TSKS: variants seen among roughly 807,000 people sequenced by gnomAD.
TSKS encodes the protein testis specific serine kinase substrate.
Under a neutral mutation model 68.0 loss-of-function variants are expected in TSKS, and 27 were observed. The observed-to-expected ratio is 0.40, with a 90% CI of 0.29 to 0.55. The LOEUF (loss-of-function observed/expected upper bound fraction) is 0.55, where lower values mean the gene tolerates loss of function less well. Ranked by LOEUF, TSKS falls within the 20% of genes least tolerant of loss-of-function variation. The pLI, the probability that TSKS is intolerant of heterozygous loss-of-function variation, is 0.53. For synonymous variants in TSKS, 331 were observed against 340.4 expected (o/e 0.97, Z 0.30); for missense variants, 806 against 776.0 (o/e 1.04, Z -0.46).
In TSKS at chr19:49,739,928, T is replaced by C; in HGVS notation, c.1627A>G (p.Lys543Glu). The C allele has an allele frequency of 1.2e-6, 2 of 1,610,668 alleles. No individual in the cohort carries two copies. The highest frequency in any genetic ancestry group is 1.7e-6 in the Non-Finnish European group (2 of 1,177,600). The change falls in exon 11 of 11, where the codon AAG (lysine) becomes GAG (glutamate). Residue 543 changes from lysine (K) to glutamate (E), a missense_variant. By Grantham distance (56) the Lys-to-Glu change is moderately conservative. Transcript: ENST00000246801. ...LLTDKMKPEE[K>E]MATLDHLHLK... Reference sequence around the variant, plus strand: ...TGTAGATGGTCCAGAGTGGCCATCTTCTCCCTGTCATGAGGCAGCGGGGAG... The same window carrying C: ...TGTAGATGGTCCAGAGTGGCCATCTCCTCCCTGTCATGAGGCAGCGGGGAG...
At chr19:49,745,970 C>T (rs1259510095) in intron 6 of TSKS, among the ~76,000 whole-genome samples, 2 of 151,952 alleles carry the variant, frequency 1.3e-5, no homozygotes, top group African/African-American at 4.8e-5. Flanking sequence ...GATCACGAGG[C>T]CAGGAGATCG....
chr19:49,760,814 C>T (rs1053873785), intron 2 of TSKS, among the ~76,000 whole-genome samples: 7 of 150,546 alleles, frequency 4.6e-5, no homozygotes, highest in African/African-American at 1.2e-4. Flanking sequence ...AAAAGCTGGG[C>T]GTGGTGGCTC....
intron 2 of TSKS, among the ~76,000 whole-genome samples, chr19:49,749,450 C>T (rs1289359890): frequency 6.6e-6 from 1 of 152,148 alleles, no homozygotes; most frequent in Non-Finnish European, 1.5e-5. Context: ...AGGAGGGATG[C>T]ATGTGGTAGG....
rs1258688422 is a variant in TSKS at position 49,741,782 on chromosome 19, C to T, written c.1497+103G>A. 3 of 1,524,352 alleles carry T rather than the reference C, an allele frequency of 2.0e-6. No homozygotes were observed. In the Admixed American group the frequency reaches 5.1e-5, roughly 26 times the overall value. 94.4% of individuals were successfully genotyped at this position (1,524,352 alleles called of 1,614,324 possible). On this transcript the variant is annotated intron_variant, in intron 9 of 10. Transcript: ENST00000246801. ...GCCTGCTGCTCCCAGCTCAGCCCTT[C>T]CCCTTCTGCCACACACCAGCAGTAC...
intron 9 of TSKS, among the ~76,000 whole-genome samples, chr19:49,740,885 C>CAA (rs534874558): frequency 8.1e-6 from 1 of 123,944 alleles, no homozygotes; most frequent in Non-Finnish European, 1.7e-5. Context: ...ACTCTGTCTC[C>CAA]AAAAAAAAAA....
In TSKS at chr19:49,763,159, T is replaced by C; in HGVS notation, c.89A>G (p.Gln30Arg). 6.2e-7 allele frequency: 1 copy of C among 1,608,808 alleles called. No homozygotes were observed. The highest frequency in any genetic ancestry group is 8.5e-7 in the Non-Finnish European group (1 of 1,177,420). The change falls in exon 1 of 11, where the codon CAG (glutamine) becomes CGG (arginine). Residue 30 changes from glutamine (Q) to arginine (R), a missense_variant. Gln to Arg is a conservative substitution (Grantham distance 43, BLOSUM62 1). Coordinates refer to ENST00000246801, the MANE Select transcript of TSKS (RefSeq NM_021733.2). This position sits in a 1 kb window ranked among gnomAD's most constrained non-coding sequence, Gnocchi z 4.5. The stretch of plus-strand genomic sequence containing the variant: ...CCTCCGGGGAGCCTCTGGGACTAGC[T>C]GGGAGCAGCTCTCCACCCCCGTGGG... ...DTPTGVESCS[Q>R]LVPEAPRRVT...
intron 2 of TSKS, among the ~76,000 whole-genome samples, chr19:49,752,213 G>A (rs918137258): frequency 4.6e-5 from 7 of 151,974 alleles, no homozygotes; most frequent in South Asian, 2.1e-4. Flanking sequence ...GCGAAAGCCC[G>A]ACTCTACTGA....
rs1343113004 is a variant in TSKS at position 49,740,410 on chromosome 19, A to T, written c.1498-227T>A. Reference sequence around the variant, plus strand: ...TGTCTGTCCTATTGTCTGTCCCATGATGCACTGACCTATGTCCCAGCAAGC... The same window carrying T: ...TGTCTGTCCTATTGTCTGTCCCATGTTGCACTGACCTATGTCCCAGCAAGC... On this transcript the variant is annotated intron_variant, in intron 9 of 10. Transcript: ENST00000246801. 3 of 559,232 alleles carry T rather than the reference A, an allele frequency of 5.4e-6. No homozygotes were observed. The East Asian group carries it at 9.0e-5, about 17-fold the overall frequency. The allele number at this position is 559,232 out of a possible 1,614,324, so 34.6% of individuals were successfully genotyped here. A position where few individuals can be genotyped will look rare whatever the true frequency, so the allele number is the denominator to read the frequency against.
Position 49,746,610 on chromosome 19 carries a change from G to T in TSKS, c.852C>A (p.Gly284=), listed in dbSNP as rs1216061734. Residue 284 remains glycine (G), a synonymous_variant, in exon 6 of 11, where the codon GGC becomes GGA. Coordinates refer to ENST00000246801, the MANE Select transcript of TSKS (RefSeq NM_021733.2). ...AGGGTTTGTCGGGACTCCCTGGCGGGCCGGGGCAGCCCTGGGACGTGGCGG... is the reference window on the plus strand; with the variant it reads ...AGGGTTTGTCGGGACTCCCTGGCGGTCCGGGGCAGCCCTGGGACGTGGCGG... ...GPAATSQGCP[G]PPGSPDKPSR... 3 of 1,611,074 alleles carry T rather than the reference G, an allele frequency of 1.9e-6. No homozygotes were observed. The highest frequency in any genetic ancestry group is 1.6e-4 in the Middle Eastern group (1 of 6,076).
At chr19:49,744,435 C>G (rs1474446077) in intron 7 of TSKS, 31 bp from the exon 8 acceptor site, 2 of 1,601,304 alleles carry the variant, frequency 1.2e-6, no homozygotes, top group East Asian at 4.5e-5. Context: ...GCTGCTGGGT[C>G]GTCTCTTCAG....
At chr19:49,756,460 A>G (rs2084393365) in intron 2 of TSKS, among the ~76,000 whole-genome samples, 1 of 152,078 alleles carries the variant, frequency 6.6e-6, no homozygotes, top group Non-Finnish European at 1.5e-5. Flanking sequence ...CTCTGTCTCT[A>G]AAAACAAATA....
In TSKS at chr19:49,748,070, G is replaced by C. The variant is rs543117864; in HGVS notation, c.579+15C>G. The C allele has an allele frequency of 1.9e-6, 3 of 1,612,678 alleles. No individual in the cohort carries two copies. In the South Asian group the frequency reaches 3.3e-5, roughly 18 times the overall value. On this transcript the variant is annotated intron_variant, in intron 4 of 10. Coordinates refer to ENST00000246801, the MANE Select transcript of TSKS (RefSeq NM_021733.2). Reference sequence around the variant, plus strand: ...TTCCCCTCTCCCCATCCATTCCTGCGTCCCACTGGCTCACCTTGAGTTGAA... The same window carrying C: ...TTCCCCTCTCCCCATCCATTCCTGCCTCCCACTGGCTCACCTTGAGTTGAA...
Sources: gnomAD v4.1 joint callset for allele counts (sites outside exome capture counted in the v4.1 genomes callset) on GRCh38, gnomAD v4.1.1 for gene constraint, Gnocchi (gnomAD v3.1) non-coding constraint, MANE v1.5 for transcripts, NCBI Gene and HGNC (gene_info 2026-07-23, HGNC 2026-07-21) for gene names.